Variants in CUX2 observed in about 807,000 individuals in gnomAD.
CUX2 encodes the protein cut like homeobox 2, also known as homeobox protein cut-like 2.
CUX2 carries 40 observed loss-of-function variants against 144.8 expected under a neutral mutation model. That is an observed-to-expected ratio of 0.28 (90% CI 0.21 to 0.36). CUX2 has a LOEUF of 0.36. Ranked by LOEUF, CUX2 falls within the 10% of genes least tolerant of loss-of-function variation. The probability of loss-of-function intolerance (pLI) is 1.00; values close to 1 mark genes in which losing one functional copy is unlikely to be tolerated. For missense variants in CUX2, 1,615 were observed against 1,994.0 expected, an observed-to-expected ratio of 0.81 and a Z score of 3.62; for synonymous variants, 827 against 875.6, an observed-to-expected ratio of 0.94 and a Z score of 0.98.
rs1159425370 is a variant in CUX2 at position 111,039,010 on chromosome 12, A to G, written c.63+4770A>G. 6.6e-6 allele frequency among the ~76,000 whole-genome samples: 1 copy of G among 151,490 alleles called. No homozygotes were observed. Among genetic ancestry groups the G allele is most frequent in the African/African-American group, 2.4e-5 (1 of 41,186 alleles). On this transcript the variant is annotated intron_variant, in intron 1 of 21. Coordinates refer to ENST00000261726, the MANE Select transcript of CUX2 (RefSeq NM_015267.4). This position sits in a 1 kb window ranked among gnomAD's most constrained non-coding sequence, Gnocchi z 4.2. ...AAAGAGGATTCTATCTTCGAACTTG[A>G]CATTCTGTCATGGTAACCTTTCTTC... is the stretch of plus-strand genomic sequence containing the variant.
At chr12:111,167,669 GGTTT>G (rs372984349) in intron 1 of CUX2, among the ~76,000 whole-genome samples, 4,708 of 136,206 alleles carry the variant, frequency 0.035, 100 homozygotes, top group Non-Finnish European at 0.047. Flanking sequence ...GTTGGCCCTG[GGTTT>G]GTTTGTTTGT....
intron 1 of CUX2, among the ~76,000 whole-genome samples, chr12:111,092,608 T>C (rs944873646): frequency 2.0e-5 from 3 of 152,258 alleles, no homozygotes; most frequent in African/African-American, 7.2e-5. Context: ...CTGGATCTGC[T>C]GCCTCCAAGA....
chr12:111,098,386 C>T (rs1872964082), intron 1 of CUX2, among the ~76,000 whole-genome samples: 1 of 146,482 alleles, frequency 6.8e-6, no homozygotes, highest in Non-Finnish European at 1.5e-5. Flanking sequence ...AGCGACAGAG[C>T]GAGACTTCGT....
intron 21 of CUX2, among the ~76,000 whole-genome samples, chr12:111,343,638 C>T (rs1048707991): frequency 1.3e-5 from 2 of 152,200 alleles, no homozygotes; most frequent in Non-Finnish European, 2.9e-5. Flanking sequence ...CTCTCAGTCC[C>T]CAATCCCCCC....
At chr12:111,298,664 G>A in intron 9 of CUX2, 75 bp downstream of exon 9, 1 of 1,368,460 alleles carries the variant, frequency 7.3e-7, no homozygotes, top group Admixed American at 2.0e-5. Flanking sequence ...GGCCAGATGA[G>A]GAGGAAGGGA....
chr12:111,154,872 G>A (rs1877278824), intron 1 of CUX2, among the ~76,000 whole-genome samples: 2 of 152,154 alleles, frequency 1.3e-5, no homozygotes, highest in African/African-American at 4.8e-5. Context: ...AGAGATGTGA[G>A]GACCTTCCTT....
At chr12:111,094,250 G>A (rs1231955921) in intron 1 of CUX2, among the ~76,000 whole-genome samples, 1 of 152,226 alleles carries the variant, frequency 6.6e-6, no homozygotes, top group Non-Finnish European at 1.5e-5. Flanking sequence ...CACTCCAAGA[G>A]CCGCATGAAG....
chr12:111,111,040 G>A (rs995718466), intron 1 of CUX2, among the ~76,000 whole-genome samples: 8 of 152,200 alleles, frequency 5.3e-5, no homozygotes, highest in African/African-American at 7.2e-5. Context: ...AGTGGCTGAC[G>A]CCTGTAATCC....
At position 111,295,348 on chromosome 12, in the gene CUX2, A is replaced by T. The variant is rs1885916551; in HGVS notation, c.576A>T (p.Val192=). 1 of 1,613,134 alleles carries T rather than the reference A, an allele frequency of 6.2e-7. No individual in the cohort carries two copies. The highest frequency in any genetic ancestry group is 1.3e-5 in the African/African-American group (1 of 74,934). Residue 192 remains valine, a synonymous_variant, in exon 7 of 22, where the codon GTA becomes GTT. Transcript: ENST00000261726. This position sits in a 1 kb window ranked among gnomAD's most constrained non-coding sequence, Gnocchi z 5.0. ...EAEKQKGLQE[V]QITLAARLGE... The stretch of plus-strand genomic sequence containing the variant: ...CTCTCCGCAGGGGCCTTCAAGAAGT[A>T]CAGATCACTTTGGCGGCCAGACTGG...
At chr12:111,272,608 G>T (rs1884687186) in intron 4 of CUX2, among the ~76,000 whole-genome samples, 2 of 152,092 alleles carry the variant, frequency 1.3e-5, no homozygotes, top group South Asian at 4.2e-4. Context: ...GGGATTACAG[G>T]CACATGCCAC....
rs1884223767 is a variant in CUX2 at position 111,263,343 on chromosome 12, T to C, written c.223-418T>C. Among the ~76,000 whole-genome samples, 1 of 152,114 alleles carries C rather than the reference T, an allele frequency of 6.6e-6. No individual in the cohort carries two copies. The highest frequency in any genetic ancestry group is 1.5e-5 in the Non-Finnish European group (1 of 68,024). ...ATACATGGCCAGCCATGGTGGCTCA[T>C]GCCTGTAATCCCAGAACTTTGGGAG... is the stretch of plus-strand genomic sequence containing the variant. On this transcript the variant is annotated intron_variant, in intron 3 of 21. Coordinates refer to ENST00000261726, the MANE Select transcript of CUX2 (RefSeq NM_015267.4). The surrounding 1 kb of genome is among the most constrained non-coding windows in gnomAD (Gnocchi z 4.0).
In CUX2 at chr12:111,068,301, G is replaced by A. The variant is rs572641438; in HGVS notation, c.63+34061G>A. Among the ~76,000 whole-genome samples the A allele has an allele frequency of 6.6e-6, 1 of 152,226 alleles. No individual in the cohort carries two copies. Among genetic ancestry groups the A allele is most frequent in the African/African-American group, 2.4e-5 (1 of 41,538 alleles). ...TCTTTCTTTCTTGGATTTGCTCTGGGGTTGGCTTCCTCGAACCAAAATAAC... is the reference window on the plus strand; with the variant it reads ...TCTTTCTTTCTTGGATTTGCTCTGGAGTTGGCTTCCTCGAACCAAAATAAC... On this transcript the variant is annotated intron_variant, in intron 1 of 21. Transcript: ENST00000261726. The surrounding 1 kb of genome is among the most constrained non-coding windows in gnomAD (Gnocchi z 4.9).
intron 1 of CUX2, among the ~76,000 whole-genome samples, chr12:111,065,930 G>A (rs1035902325): frequency 5.9e-5 from 9 of 152,162 alleles, no homozygotes; most frequent in Middle Eastern, 3.2e-3. Flanking sequence ...ATTCCAAAGG[G>A]ACAATCAATT....
Position 111,059,563 on chromosome 12 carries a change from C to A in CUX2, c.63+25323C>A, listed in dbSNP as rs1458285584. The stretch of plus-strand genomic sequence containing the variant: ...CGTGACTCTTCTGACTTTCCTAGGT[C>A]CCCCCACCCAGGGTCAGCTTTCTGT... On this transcript the variant is annotated intron_variant, in intron 1 of 21. Coordinates refer to ENST00000261726, the MANE Select transcript of CUX2 (RefSeq NM_015267.4). This position sits in a 1 kb window ranked among gnomAD's most constrained non-coding sequence, Gnocchi z 5.3. Among the ~76,000 whole-genome samples, 1 of 152,090 alleles carries A rather than the reference C, an allele frequency of 6.6e-6. No individual in the cohort carries two copies. Among genetic ancestry groups the A allele is most frequent in the African/African-American group, 2.4e-5 (1 of 41,408 alleles).
chr12:111,281,443 G>A (rs1008107815), intron 4 of CUX2, among the ~76,000 whole-genome samples: 3 of 152,164 alleles, frequency 2.0e-5, no homozygotes, highest in African/African-American at 7.2e-5. Flanking sequence ...CCCCAGGGTC[G>A]GTGTTGATGG....
chr12:111,099,607 A>C, intron 1 of CUX2: 1 of 456,734 alleles, frequency 2.2e-6, no homozygotes, highest in Non-Finnish European at 4.4e-6. Flanking sequence ...ATGGGAGAAC[A>C]GGATTGGACC....
intron 1 of CUX2, among the ~76,000 whole-genome samples, chr12:111,211,261 A>G (rs1460709118): frequency 6.6e-6 from 1 of 152,190 alleles, no homozygotes; most frequent in East Asian, 1.9e-4. Flanking sequence ...CTGCTCGAGG[A>G]AAGACACCAA....
Position 111,307,921 on chromosome 12 carries a change from C to T in CUX2, c.1110-364C>T, listed in dbSNP as rs1320352601. Among the ~76,000 whole-genome samples, 3 of 151,500 alleles carry T rather than the reference C, an allele frequency of 2.0e-5. No individual in the cohort carries two copies. The highest frequency in any genetic ancestry group is 6.6e-5 in the Admixed American group (1 of 15,208). ...TCGCTTGAACCTGGGAGGCAGAGATCGTGCCACTGCACTCCAGCCTGGGTG... is the reference window on the plus strand; with the variant it reads ...TCGCTTGAACCTGGGAGGCAGAGATTGTGCCACTGCACTCCAGCCTGGGTG... On this transcript the variant is annotated intron_variant, in intron 12 of 21. Coordinates refer to ENST00000261726, the MANE Select transcript of CUX2 (RefSeq NM_015267.4). This position sits in a 1 kb window ranked among gnomAD's most constrained non-coding sequence, Gnocchi z 4.1.
intron 1 of CUX2, among the ~76,000 whole-genome samples, chr12:111,209,208 G>A (rs1250316009): frequency 3.3e-5 from 5 of 151,964 alleles, no homozygotes; most frequent in Admixed American, 2.6e-4. Flanking sequence ...GACCAACCTG[G>A]GCAACATGGC....
Sources: allele counts gnomAD v4.1 joint callset (sites outside exome capture counted in the v4.1 genomes callset), GRCh38; gene constraint gnomAD v4.1.1; non-coding constraint Gnocchi (gnomAD v3.1); transcripts MANE v1.5; gene names NCBI Gene and HGNC (gene_info 2026-07-23, HGNC 2026-07-21).